ATP10A: variants seen among roughly 807,000 people sequenced by gnomAD.
The protein encoded by ATP10A is ATPase phospholipid transporting 10A (putative).
In ATP10A, 111 loss-of-function variants were observed where a neutral mutation model predicts 147.8. That is an observed-to-expected ratio of 0.75 (90% CI 0.64 to 0.88). The LOEUF is 0.88. Ranked by LOEUF, ATP10A falls within the 40% of genes least tolerant of loss-of-function variation. The pLI is 0.00. For synonymous variants in ATP10A, 875 were observed against 841.6 expected (o/e 1.04, Z -0.69); for missense variants, 1,927 against 1,959.0 (o/e 0.98, Z 0.31).
chr15:25,702,006 ACCAGTGAGAAC>A lies in ATP10A; in HGVS notation c.2659_2669del (p.Val887Ter), dbSNP rs1900693640. The A allele has an allele frequency of 6.2e-7, 1 of 1,614,172 alleles. No homozygotes were observed. Among genetic ancestry groups the A allele is most frequent in the Non-Finnish European group, 8.5e-7 (1 of 1,180,020 alleles). Reference sequence around the variant, plus strand: ...TGTTGACAGCTGTTTCTTGTTTGTCACCAGTGAGAACCCAAATCTGCAGGCCCGCTTGACGC... The same window carrying A: ...TGTTGACAGCTGTTTCTTGTTTGTCACCAAATCTGCAGGCCCGCTTGACGC... On this transcript the variant is annotated frameshift_variant, in exon 13 of 21. Transcript: ENST00000555815. LOFTEE classifies it high-confidence loss of function.
intron 12 of ATP10A, among the ~76,000 whole-genome samples, chr15:25,704,500 C>T (rs567613845): frequency 1.8e-4 from 28 of 152,276 alleles, no homozygotes; most frequent in Non-Finnish European, 2.8e-4. Context: ...AACTCCAGTA[C>T]GGAGGGTGTC....
intron 2 of ATP10A, among the ~76,000 whole-genome samples, chr15:25,747,515 A>C (rs1887912240): frequency 6.6e-6 from 1 of 151,968 alleles, no homozygotes; most frequent in Non-Finnish European, 1.5e-5. Flanking sequence ...ATCTAGGAAA[A>C]AAGTATAAAT....
chr15:25,821,557 G>A (rs1016345699), intron 1 of ATP10A, among the ~76,000 whole-genome samples: 1 of 152,106 alleles, frequency 6.6e-6, no homozygotes, highest in Non-Finnish European at 1.5e-5. Context: ...GTTGGGGAGG[G>A]GCCTCTCTGG....
At chr15:25,846,574 C>T (rs567510688) in intron 1 of ATP10A, among the ~76,000 whole-genome samples, 2 of 152,264 alleles carry the variant, frequency 1.3e-5, no homozygotes, top group South Asian at 4.1e-4. Flanking sequence ...TGGTGGTGGT[C>T]CCACACTGCT....
chr15:25,794,630 G>A (rs1306677101), intron 1 of ATP10A, among the ~76,000 whole-genome samples: 1 of 152,202 alleles, frequency 6.6e-6, no homozygotes, highest in Non-Finnish European at 1.5e-5. Flanking sequence ...ATCCCGGCTT[G>A]GAAGCCGACG....
At chr15:25,817,429 T>G (rs1270563441) in intron 1 of ATP10A, among the ~76,000 whole-genome samples, 2 of 151,668 alleles carry the variant, frequency 1.3e-5, no homozygotes, top group African/African-American at 2.4e-5. Flanking sequence ...GGTGAGGTTC[T>G]TATTTAAATT....
chr15:25,757,369 A>C (rs944667234), intron 2 of ATP10A, among the ~76,000 whole-genome samples: 1 of 152,122 alleles, frequency 6.6e-6, no homozygotes, highest in African/African-American at 2.4e-5. Flanking sequence ...AATTCTAATT[A>C]ATATAGCTAA....
chr15:25,843,222 C>G (rs2140894664), intron 1 of ATP10A, among the ~76,000 whole-genome samples: 1 of 145,176 alleles, frequency 6.9e-6, no homozygotes, highest in Non-Finnish European at 1.5e-5. Flanking sequence ...ACCCTCCACC[C>G]CCCACCCCCC....
rs997221932 is a variant in ATP10A at position 25,680,995 on chromosome 15, A to G, written c.3572T>C (p.Leu1191Pro). The change falls in exon 18 of 21, where the codon CTG becomes CCG. Residue 1191 changes from leucine (L) to proline (P), a missense_variant and splice_region_variant. By Grantham distance (98) the Leu-to-Pro change is moderately conservative (BLOSUM62 -3). Transcript: ENST00000555815. ...AACTGCACCCAGGGGCCAACTTACC[A>G]GGTAAGGAATGGAAAAGCAAACCAG... ...QSLVCFSIPY[L>P]AYYDSNVDLF... 1 of 1,614,024 alleles carries G rather than the reference A, an allele frequency of 6.2e-7. No individual in the cohort carries two copies. The highest frequency in any genetic ancestry group is 1.7e-5 in the Admixed American group (1 of 60,008).
chr15:25,795,650 G>A (rs192252306), intron 1 of ATP10A, among the ~76,000 whole-genome samples: 14 of 152,288 alleles, frequency 9.2e-5, no homozygotes, highest in Non-Finnish European at 1.8e-4. Flanking sequence ...CATCTGTCTG[G>A]AAGTATTTCT....
chr15:25,818,481 C>T lies in ATP10A; in HGVS notation c.450-37258G>A, dbSNP rs148797522. 2.5e-3 allele frequency among the ~76,000 whole-genome samples: 382 copies of T among 152,128 alleles called. 3 individuals are homozygous for T. Among genetic ancestry groups the T allele is most frequent in the African/African-American group, 8.6e-3 (357 of 41,502 alleles). ...CAAACATGGAAAACATTCCATGTTCCATGTTCGTGGACCAGAATAATTAGT... is the reference window on the plus strand; with the variant it reads ...CAAACATGGAAAACATTCCATGTTCTATGTTCGTGGACCAGAATAATTAGT... On this transcript the variant is annotated intron_variant, in intron 1 of 20. Coordinates refer to ENST00000555815, the MANE Select transcript of ATP10A (RefSeq NM_024490.4).
intron 1 of ATP10A, among the ~76,000 whole-genome samples, chr15:25,855,081 A>G (rs1893455929): frequency 6.6e-6 from 1 of 150,570 alleles, no homozygotes; most frequent in Non-Finnish European, 1.5e-5. Context: ...AAAAAAACAG[A>G]AAAAAAGAAA....
upstream of ATP10A, among the ~76,000 whole-genome samples, chr15:25,864,573 G>C (rs1022590226): frequency 1.3e-5 from 2 of 152,186 alleles, no homozygotes; most frequent in Non-Finnish European, 2.9e-5. Context: ...CATCCACAAT[G>C]TTGCCCAGAA....
At chr15:25,754,221 C>T (rs967996856) in intron 2 of ATP10A, among the ~76,000 whole-genome samples, 1 of 152,152 alleles carries the variant, frequency 6.6e-6, no homozygotes, top group Admixed American at 6.5e-5. Context: ...GCAACCTCTG[C>T]CTCCTGGGTT....
At chr15:25,753,561 C>T (rs991188775) in intron 2 of ATP10A, among the ~76,000 whole-genome samples, 4 of 150,822 alleles carry the variant, frequency 2.7e-5, no homozygotes, top group African/African-American at 4.9e-5. Context: ...ACTGCACCCC[C>T]CCACAAGTCA....
At chr15:25,806,732 C>T (rs1891207887) in intron 1 of ATP10A, among the ~76,000 whole-genome samples, 2 of 152,138 alleles carry the variant, frequency 1.3e-5, no homozygotes, top group African/African-American at 4.8e-5. Context: ...GTAATGCTTC[C>T]GGTCAACAGT....
At chr15:25,789,444 G>C (rs1216952326) in intron 1 of ATP10A, among the ~76,000 whole-genome samples, 1 of 152,096 alleles carries the variant, frequency 6.6e-6, no homozygotes, top group African/African-American at 2.4e-5. Flanking sequence ...AGCCCTAAAT[G>C]GGAGGATCAC....
rs774207574 is a variant in ATP10A at position 25,679,564 on chromosome 15, A to G, written c.4277T>C (p.Leu1426Pro). 1.9e-5 allele frequency: 30 copies of G among 1,611,678 alleles called. No homozygotes were observed. The highest frequency in any genetic ancestry group is 2.5e-5 in the Non-Finnish European group (29 of 1,178,192). ...RAASTGRVTP[L>P]SSLFSLPTFS... Reference sequence around the variant, plus strand: ...GGTAGGCAGGCTGAAGAGGGAAGACAGGGGGGTCACCCTGCCGGTGCTGGC... The same window carrying G: ...GGTAGGCAGGCTGAAGAGGGAAGACGGGGGGGTCACCCTGCCGGTGCTGGC... Residue 1426 changes from leucine to proline, a missense_variant, in exon 21 of 21, where the codon CTG (leucine) becomes CCG (proline). Leu to Pro is a moderately conservative substitution (Grantham distance 98). Transcript: ENST00000555815.
At chr15:25,786,617 C>CTTTTTTTTTTTTTTTTTTTTTTTTTTT (rs35892408) in intron 1 of ATP10A, among the ~76,000 whole-genome samples, 1 of 68,868 alleles carries the variant, frequency 1.5e-5, no homozygotes, top group African/African-American at 6.3e-5. Context: ...TCATTATCAT[C>CTTTTTTTTTTTTTTTTTTTTTTTTTTT]TTTTTTTTTT....
Sources: gnomAD v4.1 joint callset for allele counts (sites outside exome capture counted in the v4.1 genomes callset) on GRCh38, gnomAD v4.1.1 for gene constraint, MANE v1.5 for transcripts, NCBI Gene and HGNC (gene_info 2026-07-23, HGNC 2026-07-21) for gene names.